Variants in SLC16A7 observed in about 807,000 individuals in gnomAD.
SLC16A7 encodes the protein solute carrier family 16 member 7.
SLC16A7 carries 33 observed loss-of-function variants against 34.9 expected under a neutral mutation model. That is an observed-to-expected ratio of 0.94 (90% CI 0.72 to 1.26). SLC16A7 has a LOEUF of 1.26. SLC16A7 is among the 50% of genes most tolerant of loss of function. SLC16A7 has a pLI of 0.00. For synonymous variants in SLC16A7, 201 were observed against 206.6 expected, an observed-to-expected ratio of 0.97 and a Z score of 0.23; for missense variants, 573 against 578.1, an observed-to-expected ratio of 0.99 and a Z score of 0.09.
At chr12:59,639,550 AT>A (rs1880583013) in intron 1 of SLC16A7, among the ~76,000 whole-genome samples, 1 of 152,046 alleles carries the variant, frequency 6.6e-6, no homozygotes, top group Non-Finnish European at 1.5e-5. Context: ...TGCCTGGCTA[AT>A]TTTTTTGTAT....
chr12:59,768,304 A>G, intron 3 of SLC16A7: 1 of 425,868 alleles, frequency 2.3e-6, no homozygotes, highest in Non-Finnish European at 4.7e-6. Flanking sequence ...TGACTTTAAG[A>G]GGCTCAGGAC....
chr12:59,692,768 G>T (rs1871825131), intron 2 of SLC16A7, among the ~76,000 whole-genome samples: 1 of 151,964 alleles, frequency 6.6e-6, no homozygotes, highest in African/African-American at 2.4e-5. Flanking sequence ...CTGACATTTT[G>T]TGGTCTATGA....
At chr12:59,639,860 A>G (rs1293827750) in intron 1 of SLC16A7, among the ~76,000 whole-genome samples, 1 of 152,162 alleles carries the variant, frequency 6.6e-6, no homozygotes, top group Non-Finnish European at 1.5e-5. Flanking sequence ...TAAGGGCTCA[A>G]TCTCACAATA....
At chr12:59,657,755 G>A (rs1051174163) in intron 2 of SLC16A7, among the ~76,000 whole-genome samples, 3 of 151,920 alleles carry the variant, frequency 2.0e-5, no homozygotes, top group Admixed American at 6.6e-5. Context: ...ACCTCCTAAT[G>A]CCAATAAACA....
intron 3 of SLC16A7, among the ~76,000 whole-genome samples, chr12:59,749,985 A>G (rs1879330934): frequency 6.6e-6 from 1 of 152,340 alleles, no homozygotes; most frequent in East Asian, 1.9e-4. Context: ...TATTTAACAA[A>G]TGGTGTGGGG....
At chr12:59,722,493 TA>T (rs983717638) in intron 3 of SLC16A7, among the ~76,000 whole-genome samples, 5 of 151,968 alleles carry the variant, frequency 3.3e-5, no homozygotes, top group South Asian at 2.1e-4. Context: ...TCTAATTATC[TA>T]CTCTCCCTGC....
rs369997297 is a variant in SLC16A7, at chr12:59,687,289, T to C, written c.-30-17483T>C. ...CTACCCCTTTTCCTATTTTTGTCCC[T>C]GCTATCCTGCTATTATGGCCTTATT... On this transcript the variant is annotated intron_variant, in intron 2 of 5. Transcript: ENST00000547379. Among the ~76,000 whole-genome samples the C allele has an allele frequency of 1.2e-3, 190 of 152,124 alleles. 3 individuals carry two copies. In the South Asian group the frequency reaches 0.019, roughly 16 times the overall value.
chr12:59,654,091 A>G (rs1245644715), intron 1 of SLC16A7, among the ~76,000 whole-genome samples: 2 of 151,182 alleles, frequency 1.3e-5, no homozygotes, highest in Non-Finnish European at 3.0e-5. Flanking sequence ...ATTAATGTTA[A>G]TTAATGTTAT....
intron 3 of SLC16A7, among the ~76,000 whole-genome samples, chr12:59,751,546 G>T (rs1879561509): frequency 6.6e-6 from 1 of 152,234 alleles, no homozygotes; most frequent in Non-Finnish European, 1.5e-5. Context: ...CAGCGAGGCT[G>T]GGGGAGGTGC....
At position 59,779,794 on chromosome 12, in the gene SLC16A7, G is replaced by T; in HGVS notation, c.*115G>T. The T allele has an allele frequency of 2.6e-6, 2 of 768,296 alleles. No individual in the cohort carries two copies. Among genetic ancestry groups the T allele is most frequent in the Middle Eastern group, 6.6e-4 (2 of 3,010 alleles). 47.6% of individuals were successfully genotyped at this position (768,296 alleles called of 1,614,324 possible). A position where few individuals can be genotyped will look rare whatever the true frequency, so the allele number is the denominator to read the frequency against. ...AGCTGAAATGAGGAGTCACAATTAA[G>T]GATGGAGGTGATATTTTCCTCAATG... is the stretch of plus-strand genomic sequence containing the variant. On this transcript the variant is annotated 3_prime_UTR_variant, in exon 6 of 6. Coordinates refer to ENST00000547379, the MANE Select transcript of SLC16A7 (RefSeq NM_001270623.2).
At chr12:59,706,330 C>T (rs1012740638) in intron 3 of SLC16A7, among the ~76,000 whole-genome samples, 4 of 151,432 alleles carry the variant, frequency 2.6e-5, no homozygotes, top group African/African-American at 4.9e-5. Flanking sequence ...TGTTGTACTA[C>T]GAAGGTAAAC....
intron 1 of SLC16A7, among the ~76,000 whole-genome samples, chr12:59,645,098 G>A (rs1240364809): frequency 6.6e-6 from 1 of 152,048 alleles, no homozygotes; most frequent in Non-Finnish European, 1.5e-5. Context: ...CTCTCACAGG[G>A]GAGAAACCTT....
At chr12:59,714,040 A>G (rs540573009) in intron 3 of SLC16A7, among the ~76,000 whole-genome samples, 34 of 152,222 alleles carry the variant, frequency 2.2e-4, no homozygotes, top group Non-Finnish European at 2.8e-4. Flanking sequence ...CGATCTCATA[A>G]TTGAGTGATC....
chr12:59,624,183 A>T (rs1377632431), intron 1 of SLC16A7, among the ~76,000 whole-genome samples: 1 of 151,574 alleles, frequency 6.6e-6, no homozygotes, highest in Non-Finnish European at 1.5e-5. Flanking sequence ...CAAAACTCTA[A>T]ACTTACCTAC....
At chr12:59,683,732 C>T (rs1870926216) in intron 2 of SLC16A7, among the ~76,000 whole-genome samples, 1 of 152,084 alleles carries the variant, frequency 6.6e-6, no homozygotes, top group South Asian at 2.1e-4. Flanking sequence ...GTAACTGAAT[C>T]TATAGAGATA....
intron 1 of SLC16A7, among the ~76,000 whole-genome samples, chr12:59,610,732 T>C (rs1879155754): frequency 6.6e-6 from 1 of 152,244 alleles, no homozygotes; most frequent in African/African-American, 2.4e-5. Flanking sequence ...AGTGCTGTAA[T>C]GATGTTCCAG....
chr12:59,636,527 C>T (rs1173954247), intron 1 of SLC16A7, among the ~76,000 whole-genome samples: 1 of 152,084 alleles, frequency 6.6e-6, no homozygotes, highest in Non-Finnish European at 1.5e-5. Flanking sequence ...TGCAATGGCA[C>T]AATCACAGCT....
chr12:59,713,065 G>A (rs532016404), intron 3 of SLC16A7, among the ~76,000 whole-genome samples: 2 of 151,736 alleles, frequency 1.3e-5, no homozygotes, highest in South Asian at 4.2e-4. Context: ...TGTTGCCCAG[G>A]TTGGAGTGCA....
Position 59,782,234 on chromosome 12 carries a change from A to G in SLC16A7, c.*2555A>G, listed in dbSNP as rs185612727. The G allele has an allele frequency of 4.6e-5, 7 of 152,340 alleles. 1 individual carries two copies. The highest frequency in any genetic ancestry group is 1.7e-4 in the African/African-American group (7 of 41,582). The allele number at this position is 152,340 out of a possible 1,614,324, so 9.4% of individuals were successfully genotyped here. On this transcript the variant is annotated 3_prime_UTR_variant, in exon 6 of 6. Coordinates refer to ENST00000547379, the MANE Select transcript of SLC16A7 (RefSeq NM_001270623.2). ...ACAGTTAAACCAGAACACAATTGAAACAGTGACATAAATACCTACAGGATT... is the reference window on the plus strand; with the variant it reads ...ACAGTTAAACCAGAACACAATTGAAGCAGTGACATAAATACCTACAGGATT...
Sources: allele counts gnomAD v4.1 joint callset (sites outside exome capture counted in the v4.1 genomes callset), GRCh38; gene constraint gnomAD v4.1.1; transcripts MANE v1.5; gene names NCBI Gene and HGNC (gene_info 2026-07-23, HGNC 2026-07-21).